Variants in SPAG17 observed in about 807,000 individuals in gnomAD.
SPAG17 encodes the protein sperm-associated antigen 17.
SPAG17 carries 169 observed loss-of-function variants against 273.6 expected under a neutral mutation model. The observed-to-expected ratio is 0.62, with a 90% CI of 0.55 to 0.70. The LOEUF (loss-of-function observed/expected upper bound fraction) is 0.70, where lower values mean the gene tolerates loss of function less well. Among genes scored for constraint, SPAG17 ranks in the 30% least tolerant of loss-of-function variants. SPAG17 has a pLI of 0.00. For synonymous variants in SPAG17, 825 were observed against 873.2 expected (o/e 0.94, Z 0.97); for missense variants, 2,557 against 2,627.8 (o/e 0.97, Z 0.59).
intron 3 of SPAG17, among the ~76,000 whole-genome samples, chr1:118,129,133 G>A (rs554905930): frequency 5.3e-5 from 8 of 152,308 alleles, no homozygotes; most frequent in Non-Finnish European, 7.3e-5. Context: ...AGCACAGCAG[G>A]GAAGTGGGCT....
intron 3 of SPAG17, among the ~76,000 whole-genome samples, chr1:118,122,703 G>A (rs1657490076): frequency 6.6e-6 from 1 of 152,178 alleles, no homozygotes; most frequent in Non-Finnish European, 1.5e-5. Context: ...TATGAGTAGT[G>A]CTGACTTCAT....
At chr1:117,964,236 CTT>C (rs373131863) in intron 47 of SPAG17, 889 of 131,542 alleles carry the variant, frequency 6.8e-3, no homozygotes, top group South Asian at 0.014. Flanking sequence ...AGATTTCATG[CTT>C]TTTTTTTTTT....
chr1:118,006,227 A>T (rs932129498), intron 31 of SPAG17, among the ~76,000 whole-genome samples: 2 of 152,244 alleles, frequency 1.3e-5, no homozygotes, highest in Non-Finnish European at 2.9e-5. Flanking sequence ...ATCATCGCCC[A>T]AAGAAACGCT....
Position 118,127,477 on chromosome 1 carries a change from C to G in SPAG17, c.316-12036G>C, listed in dbSNP as rs188268555. Among the ~76,000 whole-genome samples, 302 of 152,234 alleles carry G rather than the reference C, an allele frequency of 2.0e-3. 6 individuals carry two copies. Among genetic ancestry groups the G allele is most frequent in the African/African-American group, 7.0e-3 (290 of 41,550 alleles). On this transcript the variant is annotated intron_variant, in intron 3 of 48. Coordinates refer to ENST00000336338, the MANE Select transcript of SPAG17 (RefSeq NM_206996.4). ...CACCCGATCTCATGTGAACTCAGAG[C>G]AAGAGCTCACTTATCTCTAAGGGGA...
intron 20 of SPAG17, among the ~76,000 whole-genome samples, chr1:118,049,529 A>C (rs1038811346): frequency 1.3e-5 from 2 of 152,244 alleles, no homozygotes; most frequent in African/African-American, 2.4e-5. Flanking sequence ...ATATCCTTTC[A>C]TAATAAAAAC....
intron 31 of SPAG17, 66 bp from the exon 32 acceptor site, chr1:118,005,668 A>G: frequency 8.4e-7 from 1 of 1,194,640 alleles, no homozygotes; most frequent in Non-Finnish European, 1.1e-6. Flanking sequence ...GACTTGGAAA[A>G]CCATTTTAGG....
At chr1:118,010,150 A>C (rs1451247280) in intron 30 of SPAG17, among the ~76,000 whole-genome samples, 1 of 152,176 alleles carries the variant, frequency 6.6e-6, no homozygotes, top group Non-Finnish European at 1.5e-5. Flanking sequence ...AATAAATTAA[A>C]GAGATATACT....
intron 1 of SPAG17, among the ~76,000 whole-genome samples, chr1:118,178,472 A>C (rs1356499740): frequency 6.6e-6 from 1 of 152,014 alleles, no homozygotes; most frequent in Non-Finnish European, 1.5e-5. Context: ...CCCTCAGCTA[A>C]AATCATACTG....
At chr1:118,126,266 C>T (rs1171885579) in intron 3 of SPAG17, among the ~76,000 whole-genome samples, 8 of 136,156 alleles carry the variant, frequency 5.9e-5, no homozygotes, top group Admixed American at 8.1e-5. Flanking sequence ...AGTGCAGTGG[C>T]GCGATCTCGG....
At chr1:117,992,937 G>A (rs1186304518) in intron 35 of SPAG17, among the ~76,000 whole-genome samples, 1 of 152,152 alleles carries the variant, frequency 6.6e-6, no homozygotes, top group Admixed American at 6.5e-5. Context: ...TGTAATAGCA[G>A]CCTAGCTTAT....
intron 4 of SPAG17, among the ~76,000 whole-genome samples, chr1:118,112,787 T>C (rs560115717): frequency 6.6e-6 from 1 of 152,124 alleles, no homozygotes; most frequent in Non-Finnish European, 1.5e-5. Flanking sequence ...TCTTATAATA[T>C]GAATTACCCA....
At chr1:118,152,834 C>G (rs1323101235) in intron 1 of SPAG17, among the ~76,000 whole-genome samples, 1 of 152,142 alleles carries the variant, frequency 6.6e-6, no homozygotes, top group Non-Finnish European at 1.5e-5. Context: ...GAATTAGATG[C>G]CTTTTTTCTC....
intron 26 of SPAG17, among the ~76,000 whole-genome samples, chr1:118,027,022 A>G (rs1182977397): frequency 6.6e-6 from 1 of 152,232 alleles, no homozygotes; most frequent in Non-Finnish European, 1.5e-5. Context: ...AGATAATGAA[A>G]CTAATAGAAA....
rs1200018714 is a variant in SPAG17, at chr1:118,151,868, G to A, written c.88-499C>T. Among the ~76,000 whole-genome samples, 8 of 152,148 alleles carry A rather than the reference G, an allele frequency of 5.3e-5. No homozygotes were observed. The East Asian group carries it at 1.5e-3, about 29-fold the overall frequency. ...CTGAACCACATCTTTTTCTCTTAAT[G>A]TAACACAGGAATCTTACTGCTAATT... On this transcript the variant is annotated intron_variant, in intron 1 of 48. Coordinates refer to ENST00000336338, the MANE Select transcript of SPAG17 (RefSeq NM_206996.4).
At chr1:118,003,320 G>A (rs1005433567) in intron 32 of SPAG17, among the ~76,000 whole-genome samples, 4 of 152,122 alleles carry the variant, frequency 2.6e-5, no homozygotes, top group Non-Finnish European at 5.9e-5. Context: ...CTCTTCTCGA[G>A]GAGTATCTTT....
intron 10 of SPAG17, among the ~76,000 whole-genome samples, chr1:118,089,084 T>A (rs1655198893): frequency 6.6e-6 from 1 of 152,090 alleles, no homozygotes; most frequent in Admixed American, 6.6e-5. Context: ...AGCTGATCAA[T>A]ATATTGCAAA....
At chr1:118,131,841 C>G (rs1177185031) in intron 3 of SPAG17, among the ~76,000 whole-genome samples, 2 of 152,182 alleles carry the variant, frequency 1.3e-5, no homozygotes, top group African/African-American at 4.8e-5. Flanking sequence ...GTGGTGCAAC[C>G]TGGTGATGTC....
chr1:118,150,491 A>C, intron 3 of SPAG17, 52 bp downstream of exon 3: 1 of 1,003,532 alleles, frequency 1.0e-6, no homozygotes, highest in African/African-American at 1.7e-5. Flanking sequence ...TTATTACTTC[A>C]ATTCTTTTTT....
At position 117,954,595 on chromosome 1, in the gene SPAG17, A is replaced by G. The variant is rs765015744; in HGVS notation, c.*1-546T>C. The G allele has an allele frequency of 2.4e-5, 39 of 1,612,606 alleles. No individual in the cohort carries two copies. The South Asian group carries it at 4.2e-4, about 17-fold the overall frequency. ...TTCTTCATAGGTTCCACTTCCCAGC[A>G]ACCCCATCCTAATGGCTTATGGCAG... On this transcript the variant is annotated intron_variant, in intron 48 of 48. Coordinates refer to ENST00000336338, the MANE Select transcript of SPAG17 (RefSeq NM_206996.4).
Sources: gnomAD v4.1 joint callset for allele counts (sites outside exome capture counted in the v4.1 genomes callset) on GRCh38, gnomAD v4.1.1 for gene constraint, MANE v1.5 for transcripts, NCBI Gene and HGNC (gene_info 2026-07-23, HGNC 2026-07-21) for gene names.